Variants in FAT2 observed in about 807,000 individuals in gnomAD.
FAT2 encodes the protein protocadherin Fat 2.
Under a neutral mutation model 295.3 loss-of-function variants are expected in FAT2, and 150 were observed. That is an observed-to-expected ratio of 0.51 (90% CI 0.44 to 0.58). FAT2 has a LOEUF of 0.58. Among genes scored for constraint, FAT2 ranks in the 20% least tolerant of loss-of-function variants. The probability of loss-of-function intolerance (pLI) is 0.00; values close to 1 mark genes in which losing one functional copy is unlikely to be tolerated. For missense variants in FAT2, 4,868 were observed against 5,442.7 expected, an observed-to-expected ratio of 0.89 and a Z score of 3.32; for synonymous variants, 2,026 against 2,150.3, an observed-to-expected ratio of 0.94 and a Z score of 1.60.
At chr5:151,571,460 G>A (rs1273110691) in intron 1 of FAT2, among the ~76,000 whole-genome samples, 1 of 152,240 alleles carries the variant, frequency 6.6e-6, no homozygotes, top group Non-Finnish European at 1.5e-5. Flanking sequence ...GCAGGCCCCA[G>A]CAAGATACTC....
chr5:151,509,861 CA>C, intron 22 of FAT2, 159 bp downstream of exon 22: 2 of 775,014 alleles, frequency 2.6e-6, no homozygotes, highest in Non-Finnish European at 4.2e-6. Flanking sequence ...TCCCTGGTGC[CA>C]AAAAGGTTGG....
At chr5:151,581,318 T>G (rs893897221) in intron 1 of FAT2, among the ~76,000 whole-genome samples, 1 of 152,200 alleles carries the variant, frequency 6.6e-6, no homozygotes, top group African/African-American at 2.4e-5. Flanking sequence ...GCTGCTGTGA[T>G]GAAGATGACA....
chr5:151,527,902 A>T (rs1272777362), intron 16 of FAT2, 94 bp downstream of exon 16: 1 of 1,493,990 alleles, frequency 6.7e-7, no homozygotes, highest in African/African-American at 1.4e-5. Context: ...AAGTTTCAGG[A>T]TGGGGTCTTG....
chr5:151,588,615 A>G (rs1370333247), intron 1 of FAT2, among the ~76,000 whole-genome samples: 9 of 152,224 alleles, frequency 5.9e-5, no homozygotes, highest in African/African-American at 2.2e-4. Context: ...TTTCTGTGCC[A>G]GGCACTGTCC....
chr5:151,527,432 G>A, intron 16 of FAT2, 55 bp from the exon 17 acceptor site: 2 of 1,490,484 alleles, frequency 1.3e-6, no homozygotes, highest in Non-Finnish European at 1.8e-6. Context: ...CCTCACTTCT[G>A]CCCCCTGAGT....
rs536288129 is a variant in FAT2 at position 151,543,011 on chromosome 5, C to T, written c.8116G>A (p.Glu2706Lys). The change falls in exon 10 of 24, where the codon GAG becomes AAG. Residue 2706 changes from glutamate to lysine, a missense_variant. Transcript: ENST00000261800. ...YTFSAPEDLP[E>K]GSEIGIVKAV... ...TTAACAATCCCAATTTCAGACCCCT[C>T]TGGAAGGTCTTCAGGTGCAGAGAAA... The T allele has an allele frequency of 2.5e-6, 4 of 1,614,252 alleles. No individual in the cohort carries two copies. The Admixed American group carries it at 6.7e-5, about 27-fold the overall frequency.
intron 1 of FAT2, among the ~76,000 whole-genome samples, chr5:151,574,915 C>T (rs1225383458): frequency 6.6e-6 from 1 of 152,228 alleles, no homozygotes; most frequent in East Asian, 1.9e-4. Flanking sequence ...CACAATCTCT[C>T]CTGGGCCTCA....
chr5:151,524,031 A>C (rs1302472678), intron 18 of FAT2, among the ~76,000 whole-genome samples: 1 of 152,120 alleles, frequency 6.6e-6, no homozygotes. Context: ...CGCTTCCTGC[A>C]TCTTCTCCAT....
chr5:151,534,784 A>C, intron 12 of FAT2, 142 bp from the exon 13 acceptor site: 1 of 638,304 alleles, frequency 1.6e-6, no homozygotes, highest in Middle Eastern at 4.0e-4. Flanking sequence ...TCAGGAAAGC[A>C]GCTAAGCCTG....
chr5:151,534,399 T>C lies in FAT2; in HGVS notation c.9427+10A>G, dbSNP rs1755005334. On this transcript the variant is annotated intron_variant, in intron 13 of 23. Coordinates refer to ENST00000261800, the MANE Select transcript of FAT2 (RefSeq NM_001447.3). ...TCATTGGAAATGGCCTCAATCCTTC[T>C]CAGACTCACCTTGGTCGGGATCCCG... The C allele has an allele frequency of 1.3e-6, 2 of 1,596,656 alleles. No individual in the cohort carries two copies. Among genetic ancestry groups the C allele is most frequent in the South Asian group, 2.2e-5 (2 of 89,148 alleles).
In FAT2 at chr5:151,531,676, G is replaced by T. The variant is rs988598149; in HGVS notation, c.9722C>A (p.Ala3241Asp). The change falls in exon 14 of 24, where the codon GCC becomes GAC. Residue 3241 changes from alanine to aspartate, a missense_variant. Ala to Asp is a moderately radical substitution (Grantham distance 126). Transcript: ENST00000261800. The surrounding 1 kb of genome is among the most constrained non-coding windows in gnomAD (Gnocchi z 5.7). Reference protein sequence around the residue: ...APPGTEVLQLATLTRPGAEKT... With the variant: ...APPGTEVLQLDTLTRPGAEKT... The stretch of plus-strand genomic sequence containing the variant: ...CTCTGCGCCCGGGCGAGTGAGGGTG[G>T]CCAGCTGCAGCACCTCCGTGCCAGG... 8 of 1,613,646 alleles carry T rather than the reference G, an allele frequency of 5.0e-6. No homozygotes were observed. The African/African-American group carries it at 8.0e-5, about 16-fold the overall frequency.
At position 151,579,747 on chromosome 5, in the gene FAT2, AAGAG is replaced by A. The variant is rs1240579371; in HGVS notation, c.-20-10800_-20-10797del. Among the ~76,000 whole-genome samples, 92 of 152,186 alleles carry A rather than the reference AAGAG, an allele frequency of 6.0e-4. 1 individual carries two copies. The highest frequency in any genetic ancestry group is 4.0e-3 in the Admixed American group (61 of 15,274). On this transcript the variant is annotated intron_variant, in intron 1 of 23. Coordinates refer to ENST00000261800, the MANE Select transcript of FAT2 (RefSeq NM_001447.3). Reference sequence around the variant, plus strand: ...ATAAGGAAATACATTTAAAAAAAAAAAGAGAGAGAAAGATACTAACTGAACCCAC... The same window carrying A: ...ATAAGGAAATACATTTAAAAAAAAAAAGAGAAAGATACTAACTGAACCCAC...
chr5:151,521,240 A>G (rs1753418455), intron 19 of FAT2, 36 bp downstream of exon 19: 2 of 1,556,648 alleles, frequency 1.3e-6, no homozygotes, highest in Non-Finnish European at 1.7e-6. Context: ...TGAGCCCAGC[A>G]GTGCTGCTCG....
rs80297629 is a variant in FAT2 at position 151,505,497 on chromosome 5, C to G, written c.*68G>C. ...CCAGCCACACTCAACTCACCCCCTA[C>G]GAGACAGGAAGAAATAAGCCAAGTC... is the stretch of plus-strand genomic sequence containing the variant. On this transcript the variant is annotated 3_prime_UTR_variant, in exon 24 of 24. Coordinates refer to ENST00000261800, the MANE Select transcript of FAT2 (RefSeq NM_001447.3). The G allele has an allele frequency of 3.8e-6, 6 of 1,589,822 alleles. No individual in the cohort carries two copies. In the African/African-American group the frequency reaches 8.1e-5, roughly 22 times the overall value.
intron 2 of FAT2, 146 bp from the exon 3 acceptor site, chr5:151,563,785 AGTATAAT>A: frequency 1.5e-6 from 1 of 648,582 alleles, no homozygotes; most frequent in Non-Finnish European, 2.7e-6. Flanking sequence ...TGCTTCTACC[AGTATAAT>A]GTGGGAGATG....
Position 151,543,088 on chromosome 5 carries a change from T to A in FAT2, c.8039A>T (p.Gln2680Leu), listed in dbSNP as rs757322375. 3.7e-6 allele frequency: 6 copies of A among 1,614,178 alleles called. No homozygotes were observed. Among genetic ancestry groups the A allele is most frequent in the Non-Finnish European group, 5.1e-6 (6 of 1,180,026 alleles). ...TAAGGATACTTTTTTAGGAACCACC[T>A]GAAGTCGTACTGGCACCAGAGAGTT... ...HWNSLVPVRL[Q>L]VVPKKVSLPK... Residue 2680 changes from glutamine to leucine, a missense_variant, in exon 10 of 24, where the codon CAG (glutamine) becomes CTG (leucine). By Grantham distance (113) the Gln-to-Leu change is moderately radical. Around this residue, in one of 5 missense-constraint regions of FAT2, gnomAD observed 3,297 missense variants for 3,669.4 expected, o/e 0.90. Coordinates refer to ENST00000261800, the MANE Select transcript of FAT2 (RefSeq NM_001447.3).
In FAT2 at chr5:151,521,501, C is replaced by T. The variant is rs750115127; in HGVS notation, c.11092G>A (p.Glu3698Lys). 10 of 1,614,096 alleles carry T rather than the reference C, an allele frequency of 6.2e-6. No individual in the cohort carries two copies. The highest frequency in any genetic ancestry group is 1.7e-5 in the Admixed American group (1 of 60,012). Residue 3698 changes from glutamate (E) to lysine (K), a missense_variant, in exon 19 of 24, where the codon GAG becomes AAG. Transcript: ENST00000261800. ...GAGTGAGTGATGATGGATGCTAGCT[C>T]CTGAAACTCGTAGAAGGTTCCAGAA... ...GHSGTFYEFQ[E>K]LASIITHSAK...
rs760468457 is a variant in FAT2 at position 151,521,394 on chromosome 5, C to T, written c.11199G>A (p.Gln3733=). The change falls in exon 19 of 24, where the codon CAG becomes CAA. Residue 3733 remains glutamine, a synonymous_variant. Transcript: ENST00000261800. ...PMVPCQGPTC[Q]GQICHNTVHL... ...GCACTGTGTTATGGCAGATTTGACC[C>T]TGGCAGGTTGGCCCCTGGCAGGGCA... is the stretch of plus-strand genomic sequence containing the variant. 12 of 1,614,096 alleles carry T rather than the reference C, an allele frequency of 7.4e-6. No homozygotes were observed. In the South Asian group the frequency reaches 1.3e-4, roughly 18 times the overall value.
chr5:151,532,297 GAGAT>G (rs986384887), intron 13 of FAT2, among the ~76,000 whole-genome samples: 2 of 152,202 alleles, frequency 1.3e-5, no homozygotes, highest in Non-Finnish European at 2.9e-5. Context: ...TTCCTTGACT[GAGAT>G]AGAACAGCTC....
Sources: gnomAD v4.1 joint callset for allele counts (sites outside exome capture counted in the v4.1 genomes callset) on GRCh38, gnomAD v4.1.1 for gene constraint, gnomAD v4.1.1 regional missense constraint, Gnocchi (gnomAD v3.1) non-coding constraint, MANE v1.5 for transcripts, NCBI Gene and HGNC (gene_info 2026-07-23, HGNC 2026-07-21) for gene names.